The following PAH variants were observed in gnomAD, a reference collection of about 807,000 sequenced individuals.
PAH encodes phenylalanine hydroxylase.
PAH carries 64 observed loss-of-function variants against 62.0 expected under a neutral mutation model. The observed-to-expected ratio is 1.03, with a 90% CI of 0.84 to 1.27. The LOEUF is 1.27. Ranked by LOEUF, PAH falls within the 50% of genes most tolerant of loss-of-function variation. The pLI is 0.00. For synonymous variants in PAH, 195 were observed against 196.2 expected (o/e 0.99, Z 0.05); for missense variants, 579 against 542.8 (o/e 1.07, Z -0.66).
intron 3 of PAH, among the ~76,000 whole-genome samples, chr12:102,879,605 T>TTG (rs1555206705): frequency 7.8e-4 from 109 of 139,420 alleles, no homozygotes; most frequent in African/African-American, 2.7e-3. Flanking sequence ...ATTTTACCTG[T>TTG]GGGGGGGGGG....
chr12:102,909,866 T>G (rs571455385), intron 2 of PAH, among the ~76,000 whole-genome samples: 2 of 152,090 alleles, frequency 1.3e-5, no homozygotes, highest in Non-Finnish European at 2.9e-5. Flanking sequence ...GGCTGAGGCA[T>G]GAGAATCGCC....
chr12:102,860,925 C>T (rs1489590112), intron 5 of PAH, among the ~76,000 whole-genome samples: 1 of 152,146 alleles, frequency 6.6e-6, no homozygotes, highest in Non-Finnish European at 1.5e-5. Context: ...TAGGCATGGG[C>T]AAGGACTTCA....
intron 5 of PAH, among the ~76,000 whole-genome samples, chr12:102,864,999 T>A (rs560111198): frequency 6.6e-6 from 1 of 152,254 alleles, no homozygotes; most frequent in Admixed American, 6.5e-5. Flanking sequence ...AGTTAGTTAA[T>A]CATGTGGGAT....
chr12:102,930,370 C>CTT lies in PAH; in HGVS notation c.-95-13147_-95-13146dup, dbSNP rs199566459. 5.3e-3 allele frequency among the ~76,000 whole-genome samples: 791 copies of CTT among 148,298 alleles called. 28 individuals are homozygous for CTT. The highest frequency in any genetic ancestry group is 0.049 in the Admixed American group (728 of 14,946). On this transcript the variant is annotated intron_variant, in intron 1 of 3. Coordinates refer to the PAH transcript ENST00000546844. The stretch of plus-strand genomic sequence containing the variant: ...AGTTTGTCTGGTTACATATTTTCAT[C>CTT]TTTTTTTTTTTAATTTGCCAAAGTA...
At chr12:102,919,526 T>A (rs1878502633), upstream of PAH, among the ~76,000 whole-genome samples, 1 of 152,194 alleles carries the variant, frequency 6.6e-6, no homozygotes, top group African/African-American at 2.4e-5. Context: ...TACTATCAAA[T>A]ACTAGGTCTT....
chr12:102,958,432 C>A (rs780210071), upstream of PAH: 14 of 1,509,470 alleles, frequency 9.3e-6, no homozygotes, highest in East Asian at 2.6e-4. Flanking sequence ...CAGCAGCAGG[C>A]GCCGCAGCTG....
chr12:102,920,142 C>T (rs140238853), upstream of PAH, among the ~76,000 whole-genome samples: 82 of 152,204 alleles, frequency 5.4e-4, 2 homozygotes, highest in East Asian at 0.013. Context: ...AAAAACTAAT[C>T]GCTTCTTTAA....
intron 7 of PAH, among the ~76,000 whole-genome samples, chr12:102,852,427 C>T (rs1875193039): frequency 6.6e-6 from 1 of 152,150 alleles, no homozygotes. Context: ...TCTACCTCTA[C>T]CCAATACACA....
chr12:102,955,626 T>A (rs1180835743), upstream of PAH, among the ~76,000 whole-genome samples: 1 of 151,886 alleles, frequency 6.6e-6, no homozygotes, highest in East Asian at 1.9e-4. Context: ...GGGTAAGGAG[T>A]GCCTGAATAA....
rs1480316621 is a variant in PAH, at chr12:102,875,887, CAA to C, written c.441+1573_441+1574del. On this transcript the variant is annotated intron_variant, in intron 4 of 12. Transcript: ENST00000553106. The stretch of plus-strand genomic sequence containing the variant: ...AGTAAGTTGTGACAGTTAATACACA[CAA>C]ACACACACACACATATTTGTGTGCA... Among the ~76,000 whole-genome samples the C allele has an allele frequency of 3.3e-4, 46 of 139,130 alleles. 1 individual carries two copies. Among genetic ancestry groups the C allele is most frequent in the African/African-American group, 1.3e-3 (41 of 30,434 alleles). The allele number at this position is 139,130 out of a possible 152,430, so 91.3% of individuals were successfully genotyped here. A position where few individuals can be genotyped will look rare whatever the true frequency, so the allele number is the denominator to read the frequency against.
intron 5 of PAH, among the ~76,000 whole-genome samples, chr12:102,855,534 T>G (rs1466267411): frequency 6.6e-6 from 1 of 151,996 alleles, no homozygotes; most frequent in Non-Finnish European, 1.5e-5. Context: ...CATGAAAGGG[T>G]GATTTGGTTA....
rs538160366 is a variant in PAH at position 102,854,037 on chromosome 12, T to C, written c.707-1087A>G. Among the ~76,000 whole-genome samples the C allele has an allele frequency of 1.4e-4, 21 of 152,210 alleles. No individual in the cohort carries two copies. The South Asian group carries it at 4.1e-3, about 30-fold the overall frequency. ...GTTTTATTATTCTTATTATTGGCCA[T>C]GGCAATGGAAGTAATTAGCTAAAGA... On this transcript the variant is annotated intron_variant, in intron 6 of 12. Coordinates refer to ENST00000553106, the MANE Select transcript of PAH (RefSeq NM_000277.3).
At position 102,836,937 on chromosome 12, in the gene PAH, T is replaced by C. The variant is rs1196423748; in HGVS notation, c.*2238A>G. On this transcript the variant is annotated 3_prime_UTR_variant, in exon 13 of 13. Coordinates refer to ENST00000553106, the MANE Select transcript of PAH (RefSeq NM_000277.3). ...ATTGGTGGATTTTTTGAAACACAAC[T>C]AAATTATATAACTTAGAAACCTACA... The C allele has an allele frequency of 6.6e-6, 1 of 152,218 alleles. No homozygotes were observed. Among genetic ancestry groups the C allele is most frequent in the Non-Finnish European group, 1.5e-5 (1 of 68,034 alleles). 9.4% of individuals were successfully genotyped at this position (152,218 alleles called of 1,614,324 possible). A position where few individuals can be genotyped will look rare whatever the true frequency, so the allele number is the denominator to read the frequency against.
At chr12:102,890,516 C>T (rs1203788499) in intron 3 of PAH, among the ~76,000 whole-genome samples, 2 of 152,196 alleles carry the variant, frequency 1.3e-5, no homozygotes, top group African/African-American at 2.4e-5. Context: ...TCAGCTCTCT[C>T]ATTACAGGTA....
intron 9 of PAH, among the ~76,000 whole-genome samples, chr12:102,846,122 C>T (rs1874832006): frequency 6.6e-6 from 1 of 152,124 alleles, no homozygotes. Context: ...TGAGCTATTG[C>T]ATCCCATTGT....
intron 9 of PAH, 57 bp downstream of exon 9, chr12:102,846,838 C>A: frequency 1.4e-6 from 2 of 1,452,556 alleles, no homozygotes; most frequent in Non-Finnish European, 1.9e-6. Flanking sequence ...GTTTCAAAGA[C>A]CTGAGGGCCA....
intron 2 of PAH, among the ~76,000 whole-genome samples, chr12:102,899,329 A>G (rs1263555791): frequency 1.3e-5 from 2 of 152,128 alleles, no homozygotes; most frequent in African/African-American, 4.8e-5. Flanking sequence ...AGACCATAGG[A>G]TACAGTGCTC....
At chr12:102,914,456 T>C (rs1164765404) in intron 1 of PAH, 1 of 152,460 alleles carries the variant, frequency 6.6e-6, no homozygotes, top group Non-Finnish European at 1.5e-5. Flanking sequence ...AACTTGCCTA[T>C]AGTTACACAG....
At chr12:102,955,198 G>T (rs182534556), upstream of PAH, among the ~76,000 whole-genome samples, 12 of 152,212 alleles carry the variant, frequency 7.9e-5, no homozygotes, top group African/African-American at 2.7e-4. Flanking sequence ...GTGTGTGTAG[G>T]GGGGAGGAGG....
Sources: gnomAD v4.1 joint callset for allele counts (sites outside exome capture counted in the v4.1 genomes callset) on GRCh38, gnomAD v4.1.1 for gene constraint, MANE v1.5 for transcripts, NCBI Gene and HGNC (gene_info 2026-07-23, HGNC 2026-07-21) for gene names.